KHDRBS2: variants seen among roughly 807,000 people sequenced by gnomAD.
KHDRBS2 encodes the protein KH RNA binding domain containing, signal transduction associated 2, also known as KH domain-containing, RNA-binding, signal transduction-associated protein 2.
Under a neutral mutation model 44.3 loss-of-function variants are expected in KHDRBS2, and 26 were observed. That is an observed-to-expected ratio of 0.59 (90% CI 0.43 to 0.81). The LOEUF is 0.81. KHDRBS2 is among the 40% of genes least tolerant of loss of function. The pLI is 0.00. For synonymous variants in KHDRBS2, 194 were observed against 151.1 expected (o/e 1.28, Z -2.08); for missense variants, 476 against 433.1 (o/e 1.10, Z -0.88).
chr6:61,544,426 T>A, the KHDRBS2 span, among the ~76,000 whole-genome samples: 11 of 152,058 alleles, frequency 7.2e-5, no homozygotes, highest in African/African-American at 2.4e-4. Flanking sequence ...TTTTTAAAAA[T>A]TTTCAAGAGT....
Position 62,112,495 on chromosome 6 carries a change from G to A in KHDRBS2, c.220-64501C>T, listed in dbSNP as rs193108842. ...ATTCAGGCAACACTCAATAAATAGGGCATCTCCACTAGGATTTACACACCA... is the reference window on the plus strand; with the variant it reads ...ATTCAGGCAACACTCAATAAATAGGACATCTCCACTAGGATTTACACACCA... On this transcript the variant is annotated intron_variant, in intron 2 of 8. Transcript: ENST00000281156. Among the ~76,000 whole-genome samples, 5 of 152,042 alleles carry A rather than the reference G, an allele frequency of 3.3e-5. No homozygotes were observed. The South Asian group carries it at 1.0e-3, about 31-fold the overall frequency.
intron 1 of KHDRBS2, among the ~76,000 whole-genome samples, chr6:62,266,122 C>T (rs1412208893): frequency 6.6e-6 from 1 of 152,064 alleles, no homozygotes; most frequent in Non-Finnish European, 1.5e-5. Context: ...ACTTAGGTGA[C>T]TGACTTTCAA....
At chr6:61,966,252 A>C (rs998891771) in intron 4 of KHDRBS2, among the ~76,000 whole-genome samples, 58 of 152,210 alleles carry the variant, frequency 3.8e-4, no homozygotes, top group Admixed American at 3.1e-3. Flanking sequence ...ACTGTAAGAA[A>C]ATGTACTTTT....
At chr6:62,077,069 A>C (rs1206898618) in intron 2 of KHDRBS2, among the ~76,000 whole-genome samples, 1 of 152,028 alleles carries the variant, frequency 6.6e-6, no homozygotes, top group Admixed American at 6.6e-5. Flanking sequence ...AAAAATGAAT[A>C]ATAAATTTAC....
At chr6:62,113,273 A>C (rs188228207) in intron 2 of KHDRBS2, among the ~76,000 whole-genome samples, 4 of 152,248 alleles carry the variant, frequency 2.6e-5, no homozygotes. Flanking sequence ...ACTTCTACCT[A>C]AACTCAGGCA....
At chr6:61,949,155 A>G (rs1562498339) in intron 4 of KHDRBS2, among the ~76,000 whole-genome samples, 2 of 152,062 alleles carry the variant, frequency 1.3e-5, no homozygotes, top group Non-Finnish European at 2.9e-5. Flanking sequence ...GAATAGTGGT[A>G]ATTATGTTTA....
chr6:61,977,279 C>T (rs1176683661), intron 4 of KHDRBS2, among the ~76,000 whole-genome samples: 1 of 152,080 alleles, frequency 6.6e-6, no homozygotes, highest in Non-Finnish European at 1.5e-5. Context: ...TCAGCATTCT[C>T]TTCTAATTGT....
rs367687895 is a variant in KHDRBS2, at chr6:62,145,869, G to T, written c.219+31316C>A. On this transcript the variant is annotated intron_variant, in intron 2 of 8. Coordinates refer to ENST00000281156, the MANE Select transcript of KHDRBS2 (RefSeq NM_152688.4). Reference sequence around the variant, plus strand: ...CATGCATAAAATTATCTAAAATATTGTATAAAATTACCTTTAAGCTATATG... The same window carrying T: ...CATGCATAAAATTATCTAAAATATTTTATAAAATTACCTTTAAGCTATATG... 2.4e-4 allele frequency among the ~76,000 whole-genome samples: 37 copies of T among 151,822 alleles called. No individual in the cohort carries two copies. In the East Asian group the frequency reaches 5.0e-3, roughly 21 times the overall value.
At chr6:61,967,520 T>C (rs886641854) in intron 4 of KHDRBS2, among the ~76,000 whole-genome samples, 15 of 151,676 alleles carry the variant, frequency 9.9e-5, no homozygotes, top group Admixed American at 1.3e-4. Flanking sequence ...AGGAGAGTTA[T>C]AAAGGGTCAG....
intron 2 of KHDRBS2, among the ~76,000 whole-genome samples, chr6:62,106,855 C>G (rs1261019830): frequency 6.6e-6 from 1 of 151,896 alleles, no homozygotes. Flanking sequence ...ATGATTATCT[C>G]AATAGATGCA....
chr6:62,115,534 G>A (rs1806012741), intron 2 of KHDRBS2, among the ~76,000 whole-genome samples: 1 of 152,186 alleles, frequency 6.6e-6, no homozygotes, highest in African/African-American at 2.4e-5. Flanking sequence ...ACAGTTATGA[G>A]ATGATCTTTC....
At chr6:61,582,733 T>G in the KHDRBS2 span, among the ~76,000 whole-genome samples, 2 of 151,650 alleles carry the variant, frequency 1.3e-5, no homozygotes, top group Non-Finnish European at 3.0e-5. Context: ...AGCACAGAGA[T>G]AAATTTAAAG....
chr6:62,241,421 G>C (rs1834646365), intron 1 of KHDRBS2, among the ~76,000 whole-genome samples: 1 of 152,090 alleles, frequency 6.6e-6, no homozygotes, highest in African/African-American at 2.4e-5. Context: ...GCACTAAATA[G>C]TTCATTTAAA....
the KHDRBS2 span, among the ~76,000 whole-genome samples, chr6:61,574,166 G>T: frequency 1.3e-5 from 2 of 151,998 alleles, no homozygotes; most frequent in Non-Finnish European, 1.5e-5. Flanking sequence ...AAAGTAAAAG[G>T]AACTCGGCAA....
At position 62,120,021 on chromosome 6, in the gene KHDRBS2, T is replaced by A. The variant is rs375499025; in HGVS notation, c.219+57164A>T. ...AGAAATCAGGAAACAGGCATGGGAA[T>A]GGATATTAAGGGTGTGGAATAATGG... is the stretch of plus-strand genomic sequence containing the variant. On this transcript the variant is annotated intron_variant, in intron 2 of 8. Coordinates refer to ENST00000281156, the MANE Select transcript of KHDRBS2 (RefSeq NM_152688.4). 2.4e-4 allele frequency among the ~76,000 whole-genome samples: 37 copies of A among 152,294 alleles called. No homozygotes were observed. The East Asian group carries it at 5.0e-3, about 21-fold the overall frequency.
intron 2 of KHDRBS2, among the ~76,000 whole-genome samples, chr6:62,119,596 A>T (rs2150081428): frequency 6.6e-6 from 1 of 152,186 alleles, no homozygotes; most frequent in East Asian, 1.9e-4. Flanking sequence ...AAAGAATGGG[A>T]CCCTGCATCT....
chr6:62,156,477 A>G (rs1285080771), intron 2 of KHDRBS2, among the ~76,000 whole-genome samples: 1 of 152,178 alleles, frequency 6.6e-6, no homozygotes, highest in Non-Finnish European at 1.5e-5. Flanking sequence ...GTCAACCACC[A>G]TATTAGTATA....
At chr6:61,726,642 A>T (rs112179174) in intron 7 of KHDRBS2, among the ~76,000 whole-genome samples, 1 of 152,154 alleles carries the variant, frequency 6.6e-6, no homozygotes, top group Non-Finnish European at 1.5e-5. Context: ...ACAAGCAGAG[A>T]GCCAAATCAT....
intron 3 of KHDRBS2, among the ~76,000 whole-genome samples, chr6:62,022,794 T>C (rs1426060746): frequency 1.3e-5 from 2 of 151,754 alleles, no homozygotes; most frequent in Non-Finnish European, 3.0e-5. Context: ...GTGCGTAGTA[T>C]ATATTTTTCT....
Sources: gnomAD v4.1 joint callset for allele counts (sites outside exome capture counted in the v4.1 genomes callset) on GRCh38, gnomAD v4.1.1 for gene constraint, MANE v1.5 for transcripts, NCBI Gene and HGNC (gene_info 2026-07-23, HGNC 2026-07-21) for gene names.